The following SRGAP2 variants were observed in gnomAD, a reference collection of about 807,000 sequenced individuals.
SRGAP2 encodes the protein SLIT-ROBO Rho GTPase activating protein 2, also known as SLIT-ROBO Rho GTPase-activating protein 2.
Under a neutral mutation model 57.2 loss-of-function variants are expected in SRGAP2, and 15 were observed. That is an observed-to-expected ratio of 0.26 (90% confidence interval 0.18 to 0.40). The LOEUF (loss-of-function observed/expected upper bound fraction) is 0.40, where lower values mean the gene tolerates loss of function less well. Among genes scored for constraint, SRGAP2 ranks in the 10% least tolerant of loss-of-function variants. SRGAP2 has a pLI of 1.00. For missense variants in SRGAP2, 520 were observed against 669.6 expected (o/e 0.78, Z 2.47); for synonymous variants, 249 against 248.0 (o/e 1.00, Z -0.04).
chr1:206,249,176 C>T (rs1668684871), intron 2 of SRGAP2, among the ~76,000 whole-genome samples: 1 of 150,418 alleles, frequency 6.6e-6, no homozygotes, highest in Non-Finnish European at 1.5e-5. Context: ...AACATTCTTC[C>T]CATAGTGTCT....
chr1:206,445,817 G>A (rs955031235), intron 17 of SRGAP2, among the ~76,000 whole-genome samples: 1 of 152,194 alleles, frequency 6.6e-6, no homozygotes, highest in Admixed American at 6.5e-5. Context: ...AGTAGAATTT[G>A]AAATGGGAGC....
chr1:206,446,028 A>G, intron 17 of SRGAP2, 47 bp from the exon 18 acceptor site: 1 of 771,486 alleles, frequency 1.3e-6, no homozygotes, highest in Non-Finnish European at 2.4e-6. Context: ...TTTTCTGGGC[A>G]TTCATGCGAG....
At chr1:206,243,846 C>G (rs1270575546) in intron 2 of SRGAP2, among the ~76,000 whole-genome samples, 2 of 145,206 alleles carry the variant, frequency 1.4e-5, no homozygotes, top group South Asian at 4.6e-4. Context: ...ATAATAAATG[C>G]TCTCTGATTT....
rs781789896 is a variant in SRGAP2, at chr1:206,458,357, A to AT, written c.2508-260dup. The AT allele has an allele frequency of 9.6e-5, 62 of 646,870 alleles. 1 individual carries two copies. The East Asian group carries it at 1.9e-3, about 20-fold the overall frequency. 40.1% of individuals were successfully genotyped at this position (646,870 alleles called of 1,614,324 possible). On this transcript the variant is annotated intron_variant, in intron 21 of 22. Coordinates refer to ENST00000573034, the MANE Select transcript of SRGAP2 (RefSeq NM_015326.5). ...ATTAGAAACCTTCGCTTAATCAGAC[A>AT]TTTTTTCTGACAGCAACTTACATCT...
In SRGAP2 at chr1:206,447,236, A is replaced by G. The variant is rs545222839; in HGVS notation, c.2099+937A>G. Among the ~76,000 whole-genome samples, 3 of 152,200 alleles carry G rather than the reference A, an allele frequency of 2.0e-5. No homozygotes were observed. In the East Asian group the frequency reaches 5.8e-4, roughly 29 times the overall value. On this transcript the variant is annotated intron_variant, in intron 18 of 22. Transcript: ENST00000573034. ...TAGTATTTCAGCCTGAGCTGAAAGC[A>G]CAAGCCAGCCCAAATCGGATTCTGT...
At chr1:206,423,993 A>G (rs1375964896) in intron 13 of SRGAP2, among the ~76,000 whole-genome samples, 54 of 130,892 alleles carry the variant, frequency 4.1e-4, no homozygotes, top group Admixed American at 7.9e-4. Flanking sequence ...GAGTTTCACC[A>G]TGTTGCGCAG....
At chr1:206,257,595 A>G (rs1553312678) in intron 2 of SRGAP2, among the ~76,000 whole-genome samples, 1 of 142,650 alleles carries the variant, frequency 7.0e-6, no homozygotes, top group African/African-American at 2.6e-5. Flanking sequence ...TAGATAATAG[A>G]TATTTACTGA....
At chr1:206,229,423 A>G (rs534795833) in intron 2 of SRGAP2, among the ~76,000 whole-genome samples, 2 of 151,922 alleles carry the variant, frequency 1.3e-5, no homozygotes, top group East Asian at 1.9e-4. Flanking sequence ...GACCATTTTC[A>G]TTTTCTACCA....
At position 206,290,677 on chromosome 1, in the gene SRGAP2, T is replaced by G. The variant is rs1190992828; in HGVS notation, c.68-12604T>G. Among the ~76,000 whole-genome samples the G allele has an allele frequency of 4.2e-3, 634 of 150,698 alleles. 5 individuals are homozygous for G. Among genetic ancestry groups the G allele is most frequent in the African/African-American group, 0.014 (591 of 40,942 alleles). ...AAAAAAAAAAAAAGAAGAAGAAATG[T>G]ATGTAGTGCTTACAATATAATGTAC... On this transcript the variant is annotated intron_variant, in intron 2 of 22. Transcript: ENST00000573034.
chr1:206,443,240 A>T (rs1203369948), intron 17 of SRGAP2, among the ~76,000 whole-genome samples: 1 of 152,240 alleles, frequency 6.6e-6, no homozygotes, highest in Non-Finnish European at 1.5e-5. Flanking sequence ...AAACTGTAGA[A>T]ATACAGTAGA....
intron 2 of SRGAP2, among the ~76,000 whole-genome samples, chr1:206,281,918 A>G (rs1211916873): frequency 1.3e-5 from 2 of 151,916 alleles, no homozygotes; most frequent in African/African-American, 4.9e-5. Flanking sequence ...CGTCACAAAA[A>G]AAAAAACAAA....
At chr1:206,221,422 G>A (rs1285580534) in intron 2 of SRGAP2, among the ~76,000 whole-genome samples, 2 of 151,910 alleles carry the variant, frequency 1.3e-5, no homozygotes, top group African/African-American at 4.8e-5. Flanking sequence ...AGGCTGGGAA[G>A]TCCAAGATTG....
chr1:206,292,280 T>C (rs1269753396), intron 2 of SRGAP2, among the ~76,000 whole-genome samples: 1 of 152,160 alleles, frequency 6.6e-6, no homozygotes, highest in Non-Finnish European at 1.5e-5. Context: ...TCTGTACTTG[T>C]TGTTGACATG....
chr1:206,351,879 T>A (rs1553338219), intron 4 of SRGAP2, among the ~76,000 whole-genome samples: 1 of 152,242 alleles, frequency 6.6e-6, no homozygotes, highest in East Asian at 1.9e-4. Context: ...GTCTGTAGTC[T>A]TTTGCTTAGG....
intron 13 of SRGAP2, among the ~76,000 whole-genome samples, chr1:206,423,557 C>G (rs1572115830): frequency 1.3e-5 from 2 of 152,146 alleles, no homozygotes; most frequent in East Asian, 3.9e-4. Context: ...CGGGGGGACT[C>G]CATTCTTCAC....
At chr1:206,459,526 G>A (rs1664096092) in intron 22 of SRGAP2, among the ~76,000 whole-genome samples, 1 of 151,564 alleles carries the variant, frequency 6.6e-6, no homozygotes, top group Non-Finnish European at 1.5e-5. Flanking sequence ...CCTGGTTGCA[G>A]GGTCTTCCTT....
rs782202231 is a variant in SRGAP2, at chr1:206,438,098, A to T, written c.1768A>T (p.Thr590Ser). 1 of 780,712 alleles carries T rather than the reference A, an allele frequency of 1.3e-6. No individual in the cohort carries two copies. 48.4% of individuals were successfully genotyped at this position (780,712 alleles called of 1,614,324 possible). The change falls in exon 16 of 23, where the codon ACA becomes TCA. Residue 590 changes from threonine to serine, a missense_variant and splice_region_variant. Thr to Ser is a moderately conservative substitution (Grantham distance 58, BLOSUM62 1). Transcript: ENST00000573034. ...CTTTCATGACCTGATGGCCTGCGTC[A>T]GTAAGTACCATTCTGGCTTCAGATT... ...DIFHDLMACV[T>S]MDNLQERALH...
At chr1:206,430,890 A>G (rs1406137968) in intron 14 of SRGAP2, among the ~76,000 whole-genome samples, 3 of 152,190 alleles carry the variant, frequency 2.0e-5, no homozygotes, top group Non-Finnish European at 4.4e-5. Flanking sequence ...ATTGCCAGAG[A>G]ATTGATTTCC....
intron 5 of SRGAP2, among the ~76,000 whole-genome samples, chr1:206,384,403 A>G (rs1328872905): frequency 6.6e-6 from 1 of 151,812 alleles, no homozygotes; most frequent in Non-Finnish European, 1.5e-5. Context: ...CCCTGAACTA[A>G]TGGCAAGGAA....
Sources: gnomAD v4.1 joint callset for allele counts (sites outside exome capture counted in the v4.1 genomes callset) on GRCh38, gnomAD v4.1.1 for gene constraint, MANE v1.5 for transcripts, NCBI Gene and HGNC (gene_info 2026-07-23, HGNC 2026-07-21) for gene names.